Variants in F2RL1 observed in about 807,000 individuals in gnomAD.
The protein encoded by F2RL1 is F2R like trypsin receptor 1.
F2RL1 carries 16 observed loss-of-function variants against 21.7 expected under a neutral mutation model. The ratio of observed to expected loss-of-function variants is 0.74; its 90% confidence interval spans 0.50 to 1.12. F2RL1 has a LOEUF of 1.12. Ranked by LOEUF, F2RL1 falls within the 50% of genes most tolerant of loss-of-function variation. F2RL1 has a pLI of 0.00. For synonymous variants in F2RL1, 181 were observed against 186.7 expected, an observed-to-expected ratio of 0.97 and a Z score of 0.25; for missense variants, 432 against 477.8, an observed-to-expected ratio of 0.90 and a Z score of 0.89.
chr5:76,821,908 AAT>A (rs1750142853), intron 1 of F2RL1, among the ~76,000 whole-genome samples: 1 of 152,128 alleles, frequency 6.6e-6, no homozygotes, highest in Non-Finnish European at 1.5e-5. Flanking sequence ...TTATAAAAAC[AAT>A]ATGTGATCAC....
chr5:76,825,653 T>C (rs2150605656), intron 1 of F2RL1, among the ~76,000 whole-genome samples: 1 of 152,322 alleles, frequency 6.6e-6, no homozygotes, highest in East Asian at 1.9e-4. Context: ...GGAGCTGGGA[T>C]AGCATCGGTT....
intron 1 of F2RL1, among the ~76,000 whole-genome samples, chr5:76,830,585 A>G (rs1331830979): frequency 6.6e-6 from 1 of 152,138 alleles, no homozygotes; most frequent in Non-Finnish European, 1.5e-5. Flanking sequence ...CTCTGCCTTT[A>G]TCTTAGAAAC....
intron 1 of F2RL1, among the ~76,000 whole-genome samples, chr5:76,826,538 G>A (rs1750241854): frequency 1.3e-5 from 2 of 150,374 alleles, no homozygotes. Flanking sequence ...TTTTGAGACA[G>A]AGTCTTGCTC....
intron 1 of F2RL1, among the ~76,000 whole-genome samples, chr5:76,823,252 C>T (rs2243021): frequency 0.012 from 1,825 of 150,894 alleles, 49 homozygotes; most frequent in African/African-American, 0.042. Flanking sequence ...AAGTTTTACA[C>T]GCAGATTTTC....
At chr5:76,827,600 C>CTTTTTTTTTTTT (rs70982643) in intron 1 of F2RL1, among the ~76,000 whole-genome samples, 1 of 104,990 alleles carries the variant, frequency 9.5e-6, no homozygotes, top group Non-Finnish European at 1.8e-5. Context: ...CATATAGTAA[C>CTTTTTTTTTTTT]TTTTTTTTTT....
Position 76,834,133 on chromosome 5 carries a change from A to C in F2RL1, c.*332A>C. ...ACTCACTTCTCAGCTGAAATTATATATATACACATATATATATTTTACATC... is the reference window on the plus strand; with the variant it reads ...ACTCACTTCTCAGCTGAAATTATATCTATACACATATATATATTTTACATC... On this transcript the variant is annotated 3_prime_UTR_variant, in exon 2 of 2. Transcript: ENST00000296677. 6.5e-6 allele frequency: 1 copy of C among 153,408 alleles called. No individual in the cohort carries two copies. The highest frequency in any genetic ancestry group is 1.2e-5 in the Non-Finnish European group (1 of 83,270). The allele number at this position is 153,408 out of a possible 1,614,324, so 9.5% of individuals were successfully genotyped here.
chr5:76,830,622 G>A (rs781162040), intron 1 of F2RL1, among the ~76,000 whole-genome samples: 29 of 152,126 alleles, frequency 1.9e-4, no homozygotes, highest in Non-Finnish European at 2.8e-4. Context: ...TTTAGGGCCC[G>A]CCTAGATAAC....
rs757068565 is a variant in F2RL1, at chr5:76,833,776, C to T, written c.1169C>T (p.Ser390Leu). The T allele has an allele frequency of 1.2e-6, 2 of 1,613,996 alleles. No individual in the cohort carries two copies. The highest frequency in any genetic ancestry group is 8.5e-7 in the Non-Finnish European group (1 of 1,179,996). Residue 390 changes from serine (S) to leucine (L), a missense_variant, in exon 2 of 2, where the codon TCA (serine) becomes TTA (leucine). Ser to Leu is a moderately radical substitution (Grantham distance 145). Coordinates refer to ENST00000296677, the MANE Select transcript of F2RL1 (RefSeq NM_005242.6). ...SRKSSSYSSS[S>L]TTVKTSY is the part of the protein sequence containing the mutation. Reference sequence around the variant, plus strand: ...AAATCCAGCTCTTACTCTTCAAGTTCAACCACTGTTAAGACCTCCTATTGA... The same window carrying T: ...AAATCCAGCTCTTACTCTTCAAGTTTAACCACTGTTAAGACCTCCTATTGA...
chr5:76,832,618 C>T, intron 1 of F2RL1, 72 bp from the exon 2 acceptor site: 1 of 1,397,074 alleles, frequency 7.2e-7, no homozygotes, highest in Non-Finnish European at 9.7e-7. Flanking sequence ...AATGTACTTT[C>T]ATTTGAACAA....
chr5:76,833,701 G>T lies in F2RL1; in HGVS notation c.1094G>T (p.Arg365Leu), dbSNP rs149001132. 3.1e-6 allele frequency: 5 copies of T among 1,613,848 alleles called. No homozygotes were observed. In the South Asian group the frequency reaches 3.3e-5, roughly 11 times the overall value. Residue 365 changes from arginine to leucine, a missense_variant, in exon 2 of 2, where the codon CGC becomes CTC. By Grantham distance (102) the Arg-to-Leu change is moderately radical. Coordinates refer to ENST00000296677, the MANE Select transcript of F2RL1 (RefSeq NM_005242.6). ...AACGCTCTCCTTTGCCGAAGTGTCCGCACTGTAAAGCAGATGCAAGTATCC... is the reference window on the plus strand; with the variant it reads ...AACGCTCTCCTTTGCCGAAGTGTCCTCACTGTAAAGCAGATGCAAGTATCC... ...AKNALLCRSV[R>L]TVKQMQVSLT...
intron 1 of F2RL1, among the ~76,000 whole-genome samples, chr5:76,825,294 C>T (rs1231631552): frequency 6.6e-6 from 1 of 152,120 alleles, no homozygotes; most frequent in African/African-American, 2.4e-5. Flanking sequence ...TGTGAGCCAC[C>T]ATGCCTGGCC....
chr5:76,824,159 ACC>A (rs5868841), intron 1 of F2RL1, among the ~76,000 whole-genome samples: 173 of 86,828 alleles, frequency 2.0e-3, no homozygotes, highest in South Asian at 5.1e-3. Context: ...TCCCCACCAC[ACC>A]CCCCCCCCCT....
intron 1 of F2RL1, among the ~76,000 whole-genome samples, chr5:76,823,873 C>T (rs1414058266): frequency 5.1e-5 from 7 of 138,340 alleles, no homozygotes; most frequent in Non-Finnish European, 1.1e-4. Context: ...AGTGAAGGGG[C>T]GCTATCTCAG....
At chr5:76,823,190 T>C (rs1194070572) in intron 1 of F2RL1, among the ~76,000 whole-genome samples, 2 of 149,980 alleles carry the variant, frequency 1.3e-5, no homozygotes, top group African/African-American at 2.5e-5. Context: ...AGATCGTGCC[T>C]CTGCACTCCA....
Position 76,833,483 on chromosome 5 carries a change from C to G in F2RL1, c.876C>G (p.Val292=). 6.2e-7 allele frequency: 1 copy of G among 1,613,830 alleles called. No homozygotes were observed. The highest frequency in any genetic ancestry group is 8.5e-7 in the Non-Finnish European group (1 of 1,179,976). ...GGGCCATCAAACTCATTGTCACTGT[C>G]CTGGCCATGTACCTGATCTGCTTCA... ...RKRAIKLIVT[V]LAMYLICFTP... The change falls in exon 2 of 2, where the codon GTC becomes GTG. Residue 292 remains valine, a synonymous_variant. Coordinates refer to ENST00000296677, the MANE Select transcript of F2RL1 (RefSeq NM_005242.6).
Position 76,832,873 on chromosome 5 carries a change from GT to G in F2RL1, c.269del (p.Leu90CysfsTer22), listed in dbSNP as rs1322717287. On this transcript the variant is annotated frameshift_variant, in exon 2 of 2. Transcript: ENST00000296677. LOFTEE classifies it high-confidence loss of function. ...PIVYTIVFVV[G>X]LPSNGMALWV... ...GTCTACACAATTGTGTTTGTGGTGG[GT>G]TTGCCAAGTAACGGCATGGCCCTGT... 6.2e-7 allele frequency: 1 copy of G among 1,614,064 alleles called. No homozygotes were observed. Among genetic ancestry groups the G allele is most frequent in the Non-Finnish European group, 8.5e-7 (1 of 1,180,038 alleles).
intron 1 of F2RL1, among the ~76,000 whole-genome samples, chr5:76,824,918 A>G (rs940079832): frequency 5.9e-5 from 9 of 152,072 alleles, no homozygotes; most frequent in African/African-American, 2.2e-4. Flanking sequence ...TCTTGTCCCC[A>G]GCTATTCTAC....
rs1750080216 is a variant in F2RL1, at chr5:76,819,233, A to G, written c.51A>G (p.Ala17=). ...AWLLGAAILL[A]ASLSCSGTIQ... is the part of the protein sequence containing the mutation. ...TGCTGGGGGCCGCCATCCTGCTAGC[A>G]GCCTCTCTCTCCTGCAGTGGCACCA... Residue 17 remains alanine (A), a synonymous_variant, in exon 1 of 2, where the codon GCA becomes GCG. Coordinates refer to ENST00000296677, the MANE Select transcript of F2RL1 (RefSeq NM_005242.6). 1.3e-6 allele frequency: 2 copies of G among 1,592,704 alleles called. No homozygotes were observed. Among genetic ancestry groups the G allele is most frequent in the Admixed American group, 1.7e-5 (1 of 58,638 alleles).
intron 1 of F2RL1, among the ~76,000 whole-genome samples, chr5:76,830,317 G>T (rs1362316416): frequency 1.3e-5 from 2 of 152,018 alleles, no homozygotes; most frequent in Admixed American, 6.6e-5. Flanking sequence ...TAACTCTGTC[G>T]CCCAGGCTGG....
Sources: gnomAD v4.1 joint callset for allele counts (sites outside exome capture counted in the v4.1 genomes callset) on GRCh38, gnomAD v4.1.1 for gene constraint, MANE v1.5 for transcripts, NCBI Gene and HGNC (gene_info 2026-07-23, HGNC 2026-07-21) for gene names.